XXYLT1: variants seen among roughly 807,000 people sequenced by gnomAD.
The protein encoded by XXYLT1 is UDP-xylose:alpha-xyloside alpha-1,3-xylosyltransferase.
Under a neutral mutation model 28.9 loss-of-function variants are expected in XXYLT1, and 20 were observed. The ratio of observed to expected loss-of-function variants is 0.69; its 90% CI spans 0.49 to 1.00. XXYLT1 has a LOEUF of 1.00. XXYLT1 is among the 50% of genes least tolerant of loss of function. The pLI is 0.00. For synonymous variants in XXYLT1, 257 were observed against 253.8 expected, an observed-to-expected ratio of 1.01 and a Z score of -0.12; for missense variants, 542 against 560.1, an observed-to-expected ratio of 0.97 and a Z score of 0.33.
At chr3:195,268,266 C>A (rs1725902877) in intron 1 of XXYLT1, among the ~76,000 whole-genome samples, 1 of 140,784 alleles carries the variant, frequency 7.1e-6, no homozygotes, top group Non-Finnish European at 1.5e-5. Context: ...CCCATCTCTA[C>A]TAAAAATACA....
At chr3:195,201,988 C>A (rs1035345162) in intron 2 of XXYLT1, among the ~76,000 whole-genome samples, 1 of 152,122 alleles carries the variant, frequency 6.6e-6, no homozygotes, top group Non-Finnish European at 1.5e-5. Flanking sequence ...ACCAGCCTGA[C>A]CAACATGGAG....
At chr3:195,227,359 T>C (rs919454727) in intron 1 of XXYLT1, among the ~76,000 whole-genome samples, 6 of 152,052 alleles carry the variant, frequency 3.9e-5, no homozygotes, top group Admixed American at 2.6e-4. Flanking sequence ...TCCAACAGTG[T>C]GAACAAGGAG....
chr3:195,143,812 A>ATATATTTTTTTTTTTTTTTTTT (rs1719635756), intron 3 of XXYLT1, among the ~76,000 whole-genome samples: 2 of 94,850 alleles, frequency 2.1e-5, no homozygotes, highest in Admixed American at 1.1e-4. Flanking sequence ...ATAGATATAT[A>ATATATTTTTTTTTTTTTTTTTT]TAGATATAGA....
intron 2 of XXYLT1, among the ~76,000 whole-genome samples, chr3:195,182,768 A>AT (rs1309111593): frequency 6.6e-6 from 1 of 152,106 alleles, no homozygotes. Context: ...TGTGAAATCT[A>AT]TTTTTTCTCT....
At chr3:195,112,609 A>ATG (rs1717819847) in intron 3 of XXYLT1, among the ~76,000 whole-genome samples, 1 of 95,628 alleles carries the variant, frequency 1.0e-5, no homozygotes, top group African/African-American at 2.8e-5. Context: ...ATGCACACAC[A>ATG]CGCACACATG....
At chr3:195,215,791 C>A (rs1339047244) in intron 2 of XXYLT1, among the ~76,000 whole-genome samples, 1 of 152,104 alleles carries the variant, frequency 6.6e-6, no homozygotes, top group South Asian at 2.1e-4. Context: ...AGGATACCCA[C>A]GAATTGAACT....
chr3:195,071,962 G>A (rs556772625), intron 3 of XXYLT1, among the ~76,000 whole-genome samples: 107 of 152,266 alleles, frequency 7.0e-4, no homozygotes, highest in African/African-American at 1.7e-3. Flanking sequence ...TGTGGCCGCC[G>A]AGGTCCTGGA....
chr3:195,141,232 C>T (rs73206653), intron 3 of XXYLT1, among the ~76,000 whole-genome samples: 18 of 152,332 alleles, frequency 1.2e-4, no homozygotes, highest in Non-Finnish European at 2.1e-4. Flanking sequence ...GGCACTTTTA[C>T]TCTTTACCTT....
intron 1 of XXYLT1, chr3:195,247,873 C>A (rs1318007203): frequency 2.9e-6 from 2 of 695,660 alleles, no homozygotes; most frequent in Non-Finnish European, 5.2e-6. Context: ...GGGGGAAGCG[C>A]TACACACTTT....
chr3:195,125,845 C>G (rs1280418810), intron 3 of XXYLT1, among the ~76,000 whole-genome samples: 1 of 152,174 alleles, frequency 6.6e-6, no homozygotes. Flanking sequence ...TAGGCAGTCA[C>G]AGCCGCTCCA....
chr3:195,125,542 A>G (rs1397216851), intron 3 of XXYLT1, among the ~76,000 whole-genome samples: 3 of 152,244 alleles, frequency 2.0e-5, no homozygotes, highest in Non-Finnish European at 4.4e-5. Context: ...CAGGAAGGGC[A>G]GCAAAGGGCT....
intron 1 of XXYLT1, chr3:195,247,672 C>T: frequency 1.7e-6 from 1 of 594,936 alleles, no homozygotes; most frequent in East Asian, 3.1e-5. Flanking sequence ...CCTCCGACCC[C>T]AGGGCAGGCT....
chr3:195,263,567 C>T (rs1725756003), intron 1 of XXYLT1, among the ~76,000 whole-genome samples: 1 of 152,178 alleles, frequency 6.6e-6, no homozygotes, highest in African/African-American at 2.4e-5. Flanking sequence ...CATGCCTCTG[C>T]TTCCCTCCCC....
At chr3:195,175,560 G>A (rs144972835) in intron 2 of XXYLT1, 557 of 1,533,738 alleles carry the variant, frequency 3.6e-4, no homozygotes, top group Non-Finnish European at 4.2e-4. Flanking sequence ...GGGTAGTTAG[G>A]ACACAGGTCT....
Position 195,077,855 on chromosome 3 carries a change from T to C in XXYLT1, c.786-7744A>G, listed in dbSNP as rs1047752642. On this transcript the variant is annotated intron_variant, in intron 3 of 3. Transcript: ENST00000310380. The surrounding 1 kb of genome is among the most constrained non-coding windows in gnomAD (Gnocchi z 4.8). ...GTGCCATGCCCTTCTCGAAGGCTTC[T>C]CCTGGCCCTCCGCTCCCCGTGCCCA... 1.3e-5 allele frequency among the ~76,000 whole-genome samples: 2 copies of C among 152,068 alleles called. No individual in the cohort carries two copies. The highest frequency in any genetic ancestry group is 4.8e-5 in the African/African-American group (2 of 41,406).
In XXYLT1 at chr3:195,129,863, G is replaced by A. The variant is rs1211000143; in HGVS notation, c.785+26586C>T. Among the ~76,000 whole-genome samples, 1 of 152,112 alleles carries A rather than the reference G, an allele frequency of 6.6e-6. No homozygotes were observed. ...TCTAGGAGTGGAACGGCTGGTCAGG[G>A]TCACTAAGTTTGTGAACAGCCAGAC... is the stretch of plus-strand genomic sequence containing the variant. On this transcript the variant is annotated intron_variant, in intron 3 of 3. Coordinates refer to ENST00000310380, the MANE Select transcript of XXYLT1 (RefSeq NM_152531.5). This position sits in a 1 kb window ranked among gnomAD's most constrained non-coding sequence, Gnocchi z 4.4.
chr3:195,234,554 AG>A (rs1298241985), intron 1 of XXYLT1, among the ~76,000 whole-genome samples: 1 of 149,260 alleles, frequency 6.7e-6, no homozygotes, highest in Non-Finnish European at 1.5e-5. Context: ...CCTGACCTCA[AG>A]TGATCCACCT....
At chr3:195,107,407 G>A in intron 3 of XXYLT1, among the ~76,000 whole-genome samples, 1 of 143,872 alleles carries the variant, frequency 7.0e-6, no homozygotes, top group African/African-American at 2.6e-5. Flanking sequence ...CCAGGAGGTG[G>A]AGCTTGCAGT....
chr3:195,142,882 T>A (rs1719566722), intron 3 of XXYLT1, among the ~76,000 whole-genome samples: 1 of 152,232 alleles, frequency 6.6e-6, no homozygotes. Context: ...CCCTTTGGAT[T>A]TCTCTCCCTC....
Sources: allele counts gnomAD v4.1 joint callset (sites outside exome capture counted in the v4.1 genomes callset), GRCh38; gene constraint gnomAD v4.1.1; non-coding constraint Gnocchi (gnomAD v3.1); transcripts MANE v1.5; gene names NCBI Gene and HGNC (gene_info 2026-07-23, HGNC 2026-07-21).